Variants in WDPCP observed in about 807,000 individuals in gnomAD.
WDPCP encodes WD repeat containing planar cell polarity effector.
Under a neutral mutation model 93.1 loss-of-function variants are expected in WDPCP, and 71 were observed. The observed-to-expected ratio is 0.76, with a 90% CI of 0.63 to 0.93. The LOEUF (loss-of-function observed/expected upper bound fraction) is 0.93, where lower values mean the gene tolerates loss of function less well. WDPCP is among the 40% of genes least tolerant of loss of function. The probability of loss-of-function intolerance (pLI) is 0.00; values close to 1 mark genes in which losing one functional copy is unlikely to be tolerated. For synonymous variants in WDPCP, 315 were observed against 315.0 expected (o/e 1.00, Z 0.00); for missense variants, 844 against 887.4 (o/e 0.95, Z 0.62).
At chr2:63,593,696 A>C (rs1558858942), upstream of WDPCP, 4 of 471,344 alleles carry the variant, frequency 8.5e-6, no homozygotes, top group South Asian at 6.2e-5. Flanking sequence ...GGTTCACCTT[A>C]ACTGAATTTT....
intron 10 of WDPCP, among the ~76,000 whole-genome samples, chr2:63,390,031 C>A (rs1414214470): frequency 6.6e-6 from 1 of 152,196 alleles, no homozygotes; most frequent in Non-Finnish European, 1.5e-5. Flanking sequence ...GAACTCAGCT[C>A]TGCACCAAGC....
intron 2 of WDPCP, among the ~76,000 whole-genome samples, chr2:63,710,703 T>C (rs926634908): frequency 2.0e-5 from 3 of 152,230 alleles, no homozygotes; most frequent in Admixed American, 1.3e-4. Context: ...GATTGTATTG[T>C]TGGGGCCAAG....
chr2:63,235,133 T>G (rs1679276365), intron 14 of WDPCP, among the ~76,000 whole-genome samples: 1 of 151,888 alleles, frequency 6.6e-6, no homozygotes, highest in Admixed American at 6.6e-5. Flanking sequence ...AAGATCCAAA[T>G]AAGCACAATC....
At position 63,722,069 on chromosome 2, in the gene WDPCP, C is replaced by T. The variant is rs1291303360; in HGVS notation, n.309-71231G>A. ...AGGCTGGAGTGCAGTGGCGTGATCT[C>T]GGCTCGCTACAACCTCCACCTCCCC... On this transcript the variant is annotated intron_variant and non_coding_transcript_variant, in intron 2 of 4. Transcript: ENST00000467687. Among the ~76,000 whole-genome samples the T allele has an allele frequency of 8.3e-4, 127 of 152,188 alleles. 1 individual carries two copies. Among genetic ancestry groups the T allele is most frequent in the African/African-American group, 2.9e-3 (121 of 41,534 alleles).
intron 14 of WDPCP, among the ~76,000 whole-genome samples, chr2:63,210,386 T>G (rs1161611038): frequency 6.6e-6 from 1 of 152,088 alleles, no homozygotes; most frequent in Non-Finnish European, 1.5e-5. Context: ...TGTAATTAAT[T>G]TACACAAATT....
intron 13 of WDPCP, among the ~76,000 whole-genome samples, chr2:63,295,616 C>A (rs1684785499): frequency 6.6e-6 from 1 of 151,786 alleles, no homozygotes. Context: ...TATAAAAGAT[C>A]ATCAGAGATT....
chr2:63,627,709 G>T (rs561293166), intron 3 of WDPCP, among the ~76,000 whole-genome samples: 8 of 152,288 alleles, frequency 5.3e-5, no homozygotes, highest in African/African-American at 1.9e-4. Context: ...CAGACTTGAA[G>T]GGAAGAATAC....
chr2:63,451,739 A>G (rs534187001), intron 6 of WDPCP, among the ~76,000 whole-genome samples: 1 of 152,300 alleles, frequency 6.6e-6, no homozygotes, highest in East Asian at 1.9e-4. Flanking sequence ...CAAAAACCTT[A>G]TCCACCATGA....
chr2:63,388,103 C>T (rs1242736756), intron 10 of WDPCP, among the ~76,000 whole-genome samples: 1 of 152,064 alleles, frequency 6.6e-6, no homozygotes, highest in African/African-American at 2.4e-5. Context: ...TGACATTCTT[C>T]ACAGAATTAG....
At position 63,156,195 on chromosome 2, in the gene WDPCP, G is replaced by A. The variant is rs145041393; in HGVS notation, c.2079-2621C>T. 1.8e-3 allele frequency among the ~76,000 whole-genome samples: 272 copies of A among 151,864 alleles called. 2 individuals carry two copies. The highest frequency in any genetic ancestry group is 6.2e-3 in the African/African-American group (255 of 41,426). On this transcript the variant is annotated intron_variant, in intron 15 of 17. Coordinates refer to ENST00000272321, the MANE Select transcript of WDPCP (RefSeq NM_015910.7). ...TTTTTTTATTTTTAACAGAGACGGTGTTTCACCATGTTGCCCAGGCTGGTC... is the reference window on the plus strand; with the variant it reads ...TTTTTTTATTTTTAACAGAGACGGTATTTCACCATGTTGCCCAGGCTGGTC...
intron 1 of WDPCP, among the ~76,000 whole-genome samples, chr2:63,586,995 T>G (rs2089992001): frequency 6.6e-6 from 1 of 152,240 alleles, no homozygotes. Flanking sequence ...TCATTTACAT[T>G]AGGTAAAATC....
At chr2:63,755,878 C>T (rs1038038458) in intron 2 of WDPCP, among the ~76,000 whole-genome samples, 26 of 152,192 alleles carry the variant, frequency 1.7e-4, no homozygotes, top group African/African-American at 6.3e-4. Flanking sequence ...ATATTCTATC[C>T]CTTCTTTAAG....
At chr2:63,348,466 G>C (rs146242148) in intron 12 of WDPCP, among the ~76,000 whole-genome samples, 1 of 152,254 alleles carries the variant, frequency 6.6e-6, no homozygotes, top group African/African-American at 2.4e-5. Context: ...GAGATGACAT[G>C]TACCAATTAA....
chr2:63,479,178 A>G (rs1263169297), intron 6 of WDPCP, among the ~76,000 whole-genome samples: 1 of 152,154 alleles, frequency 6.6e-6, no homozygotes, highest in Non-Finnish European at 1.5e-5. Flanking sequence ...ACAGGCAGCA[A>G]GACTGAAATG....
intron 2 of WDPCP, among the ~76,000 whole-genome samples, chr2:63,705,049 T>G (rs1397548843): frequency 4.6e-5 from 7 of 152,200 alleles, no homozygotes; most frequent in African/African-American, 1.7e-4. Flanking sequence ...GTTGAGGAAT[T>G]TATCCATTTC....
At chr2:63,124,005 C>T (rs1293490751) in intron 17 of WDPCP, among the ~76,000 whole-genome samples, 24 of 149,000 alleles carry the variant, frequency 1.6e-4, no homozygotes, top group African/African-American at 5.9e-4. Flanking sequence ...AATACTATAG[C>T]TTTATTTAAC....
At chr2:63,360,383 T>A (rs1180423089) in intron 12 of WDPCP, among the ~76,000 whole-genome samples, 4 of 152,232 alleles carry the variant, frequency 2.6e-5, no homozygotes, top group African/African-American at 9.6e-5. Flanking sequence ...GAAGACTACT[T>A]TGACTCCCTT....
chr2:63,690,558 A>C (rs1357538927), intron 2 of WDPCP, among the ~76,000 whole-genome samples: 1 of 152,080 alleles, frequency 6.6e-6, no homozygotes, highest in Non-Finnish European at 1.5e-5. Flanking sequence ...GTTTGAGATC[A>C]GCCTGGGCAA....
intron 1 of WDPCP, among the ~76,000 whole-genome samples, chr2:63,819,507 G>A (rs1243376611): frequency 2.0e-5 from 3 of 152,190 alleles, no homozygotes; most frequent in Non-Finnish European, 4.4e-5. Context: ...TCAAACATGA[G>A]TGTTTATCAC....
Sources: gnomAD v4.1 joint callset for allele counts (sites outside exome capture counted in the v4.1 genomes callset) on GRCh38, gnomAD v4.1.1 for gene constraint, MANE v1.5 for transcripts, NCBI Gene and HGNC (gene_info 2026-07-23, HGNC 2026-07-21) for gene names.